NELL2: variants seen among roughly 807,000 people sequenced by gnomAD.
NELL2 encodes the protein neural EGFL like 2.
NELL2 carries 41 observed loss-of-function variants against 109.6 expected under a neutral mutation model. The ratio of observed to expected loss-of-function variants is 0.37; its 90% CI spans 0.29 to 0.49. The LOEUF (loss-of-function observed/expected upper bound fraction) is 0.49. Ranked by LOEUF, NELL2 falls within the 20% of genes least tolerant of loss-of-function variation. The probability of loss-of-function intolerance (pLI) is 0.98; values close to 1 mark genes in which losing one functional copy is unlikely to be tolerated. For synonymous variants in NELL2, 355 were observed against 344.7 expected, an observed-to-expected ratio of 1.03 and a Z score of -0.33; for missense variants, 900 against 1,008.3, an observed-to-expected ratio of 0.89 and a Z score of 1.45.
At chr12:44,555,679 G>A (rs957673780) in intron 15 of NELL2, among the ~76,000 whole-genome samples, 2 of 152,128 alleles carry the variant, frequency 1.3e-5, no homozygotes, top group African/African-American at 4.8e-5. Context: ...ATGACAGGAG[G>A]CCAAGAAAAG....
At chr12:44,586,350 A>T (rs1035706744) in intron 15 of NELL2, among the ~76,000 whole-genome samples, 1 of 150,808 alleles carries the variant, frequency 6.6e-6, no homozygotes. Flanking sequence ...TGTATGTCAT[A>T]CATATGTCAT....
chr12:44,791,581 A>C (rs983195266), intron 3 of NELL2, among the ~76,000 whole-genome samples: 4 of 151,846 alleles, frequency 2.6e-5, no homozygotes, highest in Admixed American at 2.6e-4. Flanking sequence ...TTAATTTGGC[A>C]TATATTTGGA....
At chr12:44,921,583 T>C (rs1202463538) in intron 1 of NELL2, among the ~76,000 whole-genome samples, 1 of 152,160 alleles carries the variant, frequency 6.6e-6, no homozygotes, top group African/African-American at 2.4e-5. Context: ...TTAATACATG[T>C]AAAGCACTTA....
chr12:44,870,229 T>C (rs1191285274), intron 2 of NELL2, among the ~76,000 whole-genome samples: 1 of 152,226 alleles, frequency 6.6e-6, no homozygotes, highest in Non-Finnish European at 1.5e-5. Context: ...CTCTCTACCA[T>C]GCTCTTCACT....
At chr12:44,590,473 C>T (rs11182547) in intron 15 of NELL2, among the ~76,000 whole-genome samples, 12 of 152,076 alleles carry the variant, frequency 7.9e-5, no homozygotes, top group African/African-American at 1.2e-4. Context: ...TAAATGCTTA[C>T]GTTTTCAACA....
chr12:44,875,613 G>T, intron 1 of NELL2: 1 of 1,611,736 alleles, frequency 6.2e-7, no homozygotes, highest in African/African-American at 1.3e-5. Context: ...TCCGACCCTG[G>T]ACTAGGGGCG....
intron 15 of NELL2, among the ~76,000 whole-genome samples, chr12:44,539,889 G>A (rs1350771987): frequency 1.3e-5 from 2 of 152,182 alleles, no homozygotes; most frequent in African/African-American, 4.8e-5. Flanking sequence ...ATAACAGCAA[G>A]TAAGTAAGTG....
intron 14 of NELL2, among the ~76,000 whole-genome samples, chr12:44,608,148 T>C (rs1416007895): frequency 6.6e-6 from 1 of 152,078 alleles, no homozygotes; most frequent in Non-Finnish European, 1.5e-5. Flanking sequence ...AGCAGCTGCT[T>C]CCTCAGCCTG....
chr12:44,832,153 G>C (rs568209433), intron 2 of NELL2, among the ~76,000 whole-genome samples: 2 of 152,204 alleles, frequency 1.3e-5, no homozygotes, highest in South Asian at 4.1e-4. Context: ...CTTAGCTCAA[G>C]GGGCCATATA....
At chr12:44,714,152 G>A (rs1736682183) in intron 10 of NELL2, among the ~76,000 whole-genome samples, 1 of 151,874 alleles carries the variant, frequency 6.6e-6, no homozygotes. Context: ...AGAAACCTTG[G>A]CAAGTAAATT....
chr12:44,674,412 G>C (rs371713599), intron 12 of NELL2, among the ~76,000 whole-genome samples: 1 of 152,034 alleles, frequency 6.6e-6, no homozygotes, highest in Non-Finnish European at 1.5e-5. Flanking sequence ...AAAATATAAC[G>C]GTGTGGCAGG....
intron 9 of NELL2, among the ~76,000 whole-genome samples, chr12:44,761,843 G>A (rs768823876): frequency 2.0e-5 from 3 of 152,036 alleles, no homozygotes; most frequent in African/African-American, 7.2e-5. Flanking sequence ...ACACATGGAC[G>A]TACAAAAGGA....
intron 9 of NELL2, among the ~76,000 whole-genome samples, chr12:44,774,023 ATGTTACTAC>A (rs1941653351): frequency 2.0e-5 from 3 of 152,206 alleles, no homozygotes. Flanking sequence ...GTTTTCATGT[ATGTTACTAC>A]TCCTTTGTGG....
intron 13 of NELL2, among the ~76,000 whole-genome samples, chr12:44,635,047 T>C (rs1223767016): frequency 6.6e-6 from 1 of 152,228 alleles, no homozygotes; most frequent in Non-Finnish European, 1.5e-5. Flanking sequence ...ATGATGAGTT[T>C]TTTTTCATGT....
At chr12:44,853,695 T>C (rs901333918) in intron 2 of NELL2, among the ~76,000 whole-genome samples, 3 of 152,132 alleles carry the variant, frequency 2.0e-5, no homozygotes, top group South Asian at 2.1e-4. Context: ...ACAGAACTTA[T>C]GAAAATCAGT....
At chr12:44,691,487 C>T (rs561738836) in intron 12 of NELL2, among the ~76,000 whole-genome samples, 38 of 152,158 alleles carry the variant, frequency 2.5e-4, no homozygotes, top group African/African-American at 6.0e-4. Context: ...TGGGATACAA[C>T]GATATTGAAA....
rs780709600 is a variant in NELL2, at chr12:44,520,071, A to G, written c.2334T>C (p.Asn778=). 1.9e-6 allele frequency: 3 copies of G among 1,614,122 alleles called. No individual in the cohort carries two copies. The highest frequency in any genetic ancestry group is 2.5e-6 in the Non-Finnish European group (3 of 1,180,032). The change falls in exon 19 of 20, where the codon AAT becomes AAC. Residue 778 remains asparagine, a synonymous_variant. Coordinates refer to ENST00000429094, the MANE Select transcript of NELL2 (RefSeq NM_001145108.2). The part of the protein sequence containing the change: ...DITKTCLDEM[N]VVRFTGSSWI... ...AAGAGGACCCGGTGAAGCGAACCAC[A>G]TTCATTTCGTCCAGGCAAGTCTTGG...
In NELL2 at chr12:44,600,127, AATTTATTTATTTATTTATTTATTT is replaced by A. The variant is rs57168113; in HGVS notation, c.1663+7018_1663+7041del. On this transcript the variant is annotated intron_variant, in intron 15 of 19. Transcript: ENST00000429094. ...CAGGCGCCCGCCAGCACGCCCGGCT[AATTTATTTATTTATTTATTTATTT>A]ATTTATTTATTTATTTATTTATTTA... Among the ~76,000 whole-genome samples, 10 of 132,186 alleles carry A rather than the reference AATTTATTTATTTATTTATTTATTT, an allele frequency of 7.6e-5. No homozygotes were observed. The South Asian group carries it at 7.7e-4, about 10-fold the overall frequency. The allele number at this position is 132,186 out of a possible 152,430, so 86.7% of individuals were successfully genotyped here.
intron 3 of NELL2, among the ~76,000 whole-genome samples, chr12:44,786,145 T>C (rs890701217): frequency 6.6e-6 from 1 of 152,042 alleles, no homozygotes; most frequent in East Asian, 1.9e-4. Context: ...AAAGGGCTAA[T>C]ATCCAGAATC....
Sources: allele counts gnomAD v4.1 joint callset (sites outside exome capture counted in the v4.1 genomes callset), GRCh38; gene constraint gnomAD v4.1.1; transcripts MANE v1.5; gene names NCBI Gene and HGNC (gene_info 2026-07-23, HGNC 2026-07-21).